Variants in TTN observed in about 807,000 individuals in gnomAD.
TTN encodes connectin.
TTN carries 1,525 observed loss-of-function variants against 3,223.0 expected under a neutral mutation model. That is an observed-to-expected ratio of 0.47 (90% CI 0.45 to 0.49). The LOEUF is 0.49. Among genes scored for constraint, TTN ranks in the 20% least tolerant of loss-of-function variants. The pLI is 0.00. For synonymous variants in TTN, 14,094 were observed against 15,161.0 expected, an observed-to-expected ratio of 0.93 and a Z score of 5.17; for missense variants, 40,786 against 43,424.0, an observed-to-expected ratio of 0.94 and a Z score of 5.40.
chr2:178,710,757 T>C lies in TTN; in HGVS notation c.28340A>G (p.Tyr9447Cys). ...IRSGGKYQIS[Y>C]LENSAHLTVL... ...TGTCAGGTGGGCGCTGTTTTCCAGATAACTAATCTGGTACTTTCCGCCACT... is the reference window on the plus strand; with the variant it reads ...TGTCAGGTGGGCGCTGTTTTCCAGACAACTAATCTGGTACTTTCCGCCACT... The change falls in exon 98 of 363, where the codon TAT (tyrosine) becomes TGT (cysteine). Residue 9447 changes from tyrosine to cysteine, a missense_variant. Physicochemically the swap from Tyr to Cys is radical, Grantham distance 194. Transcript: ENST00000589042. 6.2e-7 allele frequency: 1 copy of C among 1,613,944 alleles called. No individual in the cohort carries two copies. Among genetic ancestry groups the C allele is most frequent in the Non-Finnish European group, 8.5e-7 (1 of 1,179,844 alleles).
In TTN at chr2:178,553,597, CCAGGTTT is replaced by C; in HGVS notation, c.89401_89407del (p.Lys29801GlufsTer11). ...AGATACCCGGAAGTAGTAATTGACT[CCAGGTTT>C]CAGGTTGGATACCACATATTCTGTA... On this transcript the variant is annotated frameshift_variant, in exon 334 of 363. Transcript: ENST00000589042. LOFTEE classifies it high-confidence loss of function. 1 of 1,613,898 alleles carries C rather than the reference CCAGGTTT, an allele frequency of 6.2e-7. No homozygotes were observed. Among genetic ancestry groups the C allele is most frequent in the Non-Finnish European group, 8.5e-7 (1 of 1,179,824 alleles).
chr2:178,697,252 A>C, intron 112 of TTN, 84 bp from the exon 113 acceptor site: 1 of 1,170,182 alleles, frequency 8.5e-7, no homozygotes, highest in South Asian at 1.8e-5. Context: ...CATCATTGTT[A>C]GTTGTTTGTA....
At chr2:178,742,957 G>A (rs1429820731) in intron 47 of TTN, 1 of 152,024 alleles carries the variant, frequency 6.6e-6, no homozygotes, top group African/African-American at 2.4e-5. Flanking sequence ...ATAGCATGCA[G>A]AATACATATT....
chr2:178,646,376 T>C, intron 216 of TTN, 109 bp downstream of exon 216: 1 of 680,270 alleles, frequency 1.5e-6, no homozygotes, highest in East Asian at 2.9e-5. Flanking sequence ...AAAGAATACT[T>C]TACATACAAA....
intron 41 of TTN, among the ~76,000 whole-genome samples, chr2:178,765,422 C>G (rs1308473635): frequency 6.6e-6 from 1 of 152,064 alleles, no homozygotes; most frequent in African/African-American, 2.4e-5. Flanking sequence ...AGTGAGGGGA[C>G]CTGGTTAGTT....
chr2:178,591,396 G>C lies in TTN; in HGVS notation c.60329C>G (p.Ala20110Gly). The change falls in exon 304 of 363, where the codon GCA becomes GGA. Residue 20110 changes from alanine (A) to glycine (G), a missense_variant. Ala to Gly is a moderately conservative substitution (Grantham distance 60). Coordinates refer to ENST00000589042, the MANE Select transcript of TTN (RefSeq NM_001267550.2). ...CTCACTCCCATCGGTTGTCCACTTTGCAGTAGGAACAGGCACACCTCTTAT... is the reference window on the plus strand; with the variant it reads ...CTCACTCCCATCGGTTGTCCACTTTCCAGTAGGAACAGGCACACCTCTTAT... Reference protein sequence around the residue: ...AIIRGVPVPTAKWTTDGSEIK... With the variant: ...AIIRGVPVPTGKWTTDGSEIK... The C allele has an allele frequency of 1.9e-6, 3 of 1,612,820 alleles. No individual in the cohort carries two copies. The highest frequency in any genetic ancestry group is 2.5e-6 in the Non-Finnish European group (3 of 1,179,312).
In TTN at chr2:178,553,632, T is replaced by A; in HGVS notation, c.89373A>T (p.Arg29791Ser). Residue 29791 changes from arginine to serine, a missense_variant, in exon 334 of 363, where the codon AGA (arginine) becomes AGT (serine). By Grantham distance (110) the Arg-to-Ser change is moderately radical. Coordinates refer to ENST00000589042, the MANE Select transcript of TTN (RefSeq NM_001267550.2). The stretch of plus-strand genomic sequence containing the variant: ...GGTTGGATACCACATATTCTGTAGT[T>A]CTGACCTCTCCTTTGGTAGAGACAG... Reference protein sequence around the residue: ...WTTVSTKGEVRTTEYVVSNLK... With the variant: ...WTTVSTKGEVSTTEYVVSNLK... 1 of 1,613,920 alleles carries A rather than the reference T, an allele frequency of 6.2e-7. No individual in the cohort carries two copies. The highest frequency in any genetic ancestry group is 8.5e-7 in the Non-Finnish European group (1 of 1,179,832).
chr2:178,551,286 G>A, intron 335 of TTN, 26 bp from the exon 336 acceptor site: 1 of 1,588,736 alleles, frequency 6.3e-7, no homozygotes, highest in South Asian at 1.1e-5. Flanking sequence ...GAAGGTAAAT[G>A]CATCATTACA....
chr2:178,763,779 CTT>C (rs1489508248), intron 43 of TTN, among the ~76,000 whole-genome samples: 1 of 152,076 alleles, frequency 6.6e-6, no homozygotes, highest in African/African-American at 2.4e-5. Flanking sequence ...TGAATAATGT[CTT>C]ATATAAATGT....
Position 178,568,692 on chromosome 2 carries a change from C to A in TTN, c.77440G>T (p.Asp25814Tyr), listed in dbSNP as rs1432951481. The A allele has an allele frequency of 5.0e-6, 8 of 1,613,338 alleles. No homozygotes were observed. Among genetic ancestry groups the A allele is most frequent in the Non-Finnish European group, 6.8e-6 (8 of 1,179,590 alleles). ...GAAATTGGCACTTCTATTTTCAAAT[C>A]TTGGCCAACCTGTACACTGTAACTA... is the stretch of plus-strand genomic sequence containing the variant. ...FSSYSVQVGQ[D>Y]LKIEVPISGR... The change falls in exon 326 of 363, where the codon GAT (aspartate) becomes TAT (tyrosine). Residue 25814 changes from aspartate to tyrosine, a missense_variant. By Grantham distance (160) the Asp-to-Tyr change is radical (BLOSUM62 -3). Transcript: ENST00000589042.
intron 257 of TTN, 103 bp from the exon 258 acceptor site, chr2:178,615,891 A>G: frequency 8.1e-7 from 1 of 1,240,132 alleles, no homozygotes; most frequent in Non-Finnish European, 1.1e-6. Flanking sequence ...GTTGTTTTGA[A>G]TGCTAGGGAT....
Position 178,533,006 on chromosome 2 carries a change from G to A in TTN, c.103609C>T (p.Arg34537Trp), listed in dbSNP as rs753957126. The change falls in exon 358 of 363, where the codon CGG (arginine) becomes TGG (tryptophan). Residue 34537 changes from arginine (R) to tryptophan (W), a missense_variant. Transcript: ENST00000589042. ...GGCTCTGGTACATCATAAGGCATCC[G>A]GAGTTTTCTCTCCTCCTTCTTTTCT... ...IEEKKEERKL[R>W]MPYDVPEPRK... is the part of the protein sequence containing the mutation. The A allele has an allele frequency of 1.4e-5, 22 of 1,613,666 alleles. 1 individual carries two copies. In the Admixed American group the frequency reaches 1.8e-4, roughly 13 times the overall value.
In TTN at chr2:178,578,143, T is replaced by C. The variant is rs774260031; in HGVS notation, c.68372A>G (p.Lys22791Arg). 32 of 1,613,066 alleles carry C rather than the reference T, an allele frequency of 2.0e-5. No individual in the cohort carries two copies. The highest frequency in any genetic ancestry group is 2.7e-5 in the Non-Finnish European group (32 of 1,179,382). Residue 22791 changes from lysine (K) to arginine (R), a missense_variant, in exon 322 of 363, where the codon AAG becomes AGG. Coordinates refer to ENST00000589042, the MANE Select transcript of TTN (RefSeq NM_001267550.2). The stretch of plus-strand genomic sequence containing the variant: ...CCTTATCGGAGTCTTGTTAGCTCTC[T>C]TCCACAAAAGGCTGTTTCTTTCCTT... ...EFKERNSLLW[K>R]RANKTPIRMR...
rs745948750 is a variant in TTN, at chr2:178,620,321, C to T, written c.46200G>A (p.Gln15400=). 2 of 1,588,876 alleles carry T rather than the reference C, an allele frequency of 1.3e-6. No individual in the cohort carries two copies. Among genetic ancestry groups the T allele is most frequent in the Non-Finnish European group, 1.7e-6 (2 of 1,166,318 alleles). ...CAGCGTCATCGAACTCAGTGACTGT[C>T]TGATCTTCCAAGTGTTCCACAAATT... ...PTEFVEHLED[Q]TVTEFDDAVF... Residue 15400 remains glutamine, a synonymous_variant, in exon 248 of 363, where the codon CAG becomes CAA. Coordinates refer to ENST00000589042, the MANE Select transcript of TTN (RefSeq NM_001267550.2).
intron 218 of TTN, 71 bp from the exon 219 acceptor site, chr2:178,642,388 T>C: frequency 7.2e-7 from 1 of 1,394,016 alleles, no homozygotes; most frequent in South Asian, 1.3e-5. Context: ...GAAAAATGTC[T>C]CTCCTAAAAC....
At position 178,715,257 on chromosome 2, in the gene TTN, G is replaced by A; in HGVS notation, c.25929C>T (p.Pro8643=). 6.2e-7 allele frequency: 1 copy of A among 1,600,402 alleles called. No homozygotes were observed. The highest frequency in any genetic ancestry group is 1.1e-5 in the South Asian group (1 of 88,570). ...TAGGATGAGGCTTTTTGCGGAAAAT[G>A]GGTGGTTCTAAAATTGGAAAAAAGG... ...SSTSLKVKEP[P]IFRKKPHPIE... is the part of the protein sequence containing the mutation. Residue 8643 remains proline (P), a synonymous_variant, in exon 90 of 363, where the codon CCC becomes CCT. Transcript: ENST00000589042.
chr2:178,626,948 C>G (rs2059140979), intron 240 of TTN, among the ~76,000 whole-genome samples: 1 of 151,684 alleles, frequency 6.6e-6, no homozygotes, highest in Admixed American at 6.6e-5. Flanking sequence ...TACAATCTAC[C>G]TCCACTATGT....
In TTN at chr2:178,548,379, C is replaced by T. The variant is rs1028442562; in HGVS notation, c.93247G>A (p.Gly31083Ser). 1.2e-5 allele frequency: 20 copies of T among 1,613,878 alleles called. No homozygotes were observed. The highest frequency in any genetic ancestry group is 1.7e-5 in the Non-Finnish European group (20 of 1,179,824). Residue 31083 changes from glycine (G) to serine (S), a missense_variant, in exon 339 of 363, where the codon GGT (glycine) becomes AGT (serine). By Grantham distance (56) the Gly-to-Ser change is moderately conservative (BLOSUM62 0). Coordinates refer to ENST00000589042, the MANE Select transcript of TTN (RefSeq NM_001267550.2). The surrounding 1 kb of genome is among the most constrained non-coding windows in gnomAD (Gnocchi z 4.3). ...QIFKVNDLAE[G>S]VPYYFRVSAV... ...GAAACACGGAAATAGTACGGAACAC[C>T]TTCGGCCAGGTCATTGACCTTGAAG... is the stretch of plus-strand genomic sequence containing the variant.
intron 152 of TTN, among the ~76,000 whole-genome samples, chr2:178,673,265 T>C (rs1010586014): frequency 2.6e-5 from 4 of 151,744 alleles, no homozygotes; most frequent in African/African-American, 7.2e-5. Context: ...GTTTGTTCCA[T>C]AAAATAATAA....
Sources: allele counts gnomAD v4.1 joint callset (sites outside exome capture counted in the v4.1 genomes callset), GRCh38; gene constraint gnomAD v4.1.1; non-coding constraint Gnocchi (gnomAD v3.1); transcripts MANE v1.5; gene names NCBI Gene and HGNC (gene_info 2026-07-23, HGNC 2026-07-21).